The following FGG variants were observed in gnomAD, a reference collection of about 807,000 sequenced individuals.
FGG encodes fibrinogen gamma chain, also known as fibrinogen, gamma polypeptide.
A neutral mutation model predicts 51.7 loss-of-function variants in FGG; 20 were observed. The ratio of observed to expected loss-of-function variants is 0.39; its 90% CI spans 0.27 to 0.56. FGG has a LOEUF of 0.56. Ranked by LOEUF, FGG falls within the 20% of genes least tolerant of loss-of-function variation. The pLI is 0.64. For synonymous variants in FGG, 184 were observed against 184.7 expected, an observed-to-expected ratio of 1.00 and a Z score of 0.03; for missense variants, 460 against 534.2, an observed-to-expected ratio of 0.86 and a Z score of 1.37.
chr4:154,604,518 A>C lies in FGG; in HGVS notation c.*316T>G. On this transcript the variant is annotated 3_prime_UTR_variant, in exon 9 of 9. Coordinates refer to ENST00000336098, the MANE Select transcript of FGG (RefSeq NM_021870.3). ...TATTTTATTAAGTACATACTAAAATATTTGATATAATGAAAATAATTTACG... is the reference window on the plus strand; with the variant it reads ...TATTTTATTAAGTACATACTAAAATCTTTGATATAATGAAAATAATTTACG... 9.1e-7 allele frequency: 1 copy of C among 1,101,884 alleles called. No homozygotes were observed. The highest frequency in any genetic ancestry group is 1.2e-6 in the Non-Finnish European group (1 of 817,498). 68.3% of individuals were successfully genotyped at this position (1,101,884 alleles called of 1,614,324 possible).
Position 154,604,911 on chromosome 4 carries a change from C to A in FGG, c.1285G>T (p.Gly429Trp), listed in dbSNP as rs145938787. Residue 429 changes from glycine (G) to tryptophan (W), a missense_variant, in exon 9 of 9, where the codon GGG becomes TGG. By Grantham distance (184) the Gly-to-Trp change is radical (BLOSUM62 -2). Around this residue, in one of 3 missense-constraint regions of FGG, gnomAD observed 92 missense variants for 93.7 expected, o/e 0.98. Coordinates refer to ENST00000336098, the MANE Select transcript of FGG (RefSeq NM_021870.3). ...TIGEGQQHHLGGAKQVRPEHP... is the reference protein window; with the variant it reads ...TIGEGQQHHLWGAKQVRPEHP... ...TCTGGTCTGACCTGTTTGGCTCCCC[C>A]CAGGTGGTGTTGCTGTCCTTCTCCA... The A allele has an allele frequency of 9.4e-5, 152 of 1,613,934 alleles. No homozygotes were observed. Among genetic ancestry groups the A allele is most frequent in the Non-Finnish European group, 1.3e-4 (148 of 1,179,972 alleles).
chr4:154,611,688 T>C, intron 4 of FGG, 117 bp downstream of exon 4: 1 of 697,692 alleles, frequency 1.4e-6, no homozygotes, highest in Non-Finnish European at 2.4e-6. Flanking sequence ...TCAGGCATAA[T>C]GTCACTGGGA....
rs1352184895 is a variant in FGG at position 154,608,609 on chromosome 4, T to C, written c.708A>G (p.Gln236=). The change falls in exon 7 of 9, where the codon CAA becomes CAG. Residue 236 remains glutamine, a synonymous_variant. Coordinates refer to ENST00000336098, the MANE Select transcript of FGG (RefSeq NM_021870.3). ...ACAGATGTCCAAATCCTTCTTTATA[T>C]TGAATCCAGTTTTTCTTGAAATCTA... is the stretch of plus-strand genomic sequence containing the variant. ...GSVDFKKNWI[Q]YKEGFGHLSP... is the part of the protein sequence containing the mutation. The C allele has an allele frequency of 1.7e-5, 28 of 1,611,468 alleles. No individual in the cohort carries two copies. The East Asian group carries it at 5.4e-4, about 31-fold the overall frequency.
Position 154,604,774 on chromosome 4 carries a change from A to G in FGG, c.*60T>C. On this transcript the variant is annotated 3_prime_UTR_variant, in exon 9 of 9. Coordinates refer to ENST00000336098, the MANE Select transcript of FGG (RefSeq NM_021870.3). ...AATAAATATAGTAAGAGAAAAAAGG[A>G]AGAAACTTTCAGAGAATTTCTGAAA... 2 of 1,609,374 alleles carry G rather than the reference A, an allele frequency of 1.2e-6. No homozygotes were observed. The highest frequency in any genetic ancestry group is 1.7e-6 in the Non-Finnish European group (2 of 1,178,858).
In FGG at chr4:154,604,609, T is replaced by C; in HGVS notation, c.*225A>G. On this transcript the variant is annotated 3_prime_UTR_variant, in exon 9 of 9. Coordinates refer to ENST00000336098, the MANE Select transcript of FGG (RefSeq NM_021870.3). ...AAGTCAATCATTTTATTATTATATA[T>C]TTAGGAACAAAGTTGAAATGTTATC... 1 of 1,262,724 alleles carries C rather than the reference T, an allele frequency of 7.9e-7. No homozygotes were observed. Among genetic ancestry groups the C allele is most frequent in the Non-Finnish European group, 1.0e-6 (1 of 962,620 alleles). 78.2% of individuals were successfully genotyped at this position (1,262,724 alleles called of 1,614,324 possible). A position where few individuals can be genotyped will look rare whatever the true frequency, so the allele number is the denominator to read the frequency against.
rs759056316 is a variant in FGG at position 154,612,438 on chromosome 4, A to G, written c.79-3T>C. ...CAGTTGTCTCTGGTAGCAACATACT[A>G]AAAGAGAAAAAATACAGAAATTTCA... On this transcript the variant is annotated splice_polypyrimidine_tract_variant and splice_region_variant and intron_variant, in intron 1 of 8. Transcript: ENST00000336098. The G allele has an allele frequency of 9.9e-6, 16 of 1,613,842 alleles. No individual in the cohort carries two copies. In the South Asian group the frequency reaches 1.4e-4, roughly 14 times the overall value.
chr4:154,611,735 C>T lies in FGG; in HGVS notation c.401+70G>A, dbSNP rs559257632. On this transcript the variant is annotated intron_variant, in intron 4 of 8. Transcript: ENST00000336098. ...GGGAAAACACATTAAAAATTACTTT[C>T]ACTCAAGTATAGAATATTAAATAAA... 1.5e-4 allele frequency: 148 copies of T among 1,013,724 alleles called. No homozygotes were observed. The African/African-American group carries it at 2.2e-3, about 15-fold the overall frequency. 62.8% of individuals were successfully genotyped at this position (1,013,724 alleles called of 1,614,324 possible).
intron 7 of FGG, among the ~76,000 whole-genome samples, chr4:154,607,430 A>G (rs879933490): frequency 1.3e-5 from 2 of 152,224 alleles, no homozygotes; most frequent in Non-Finnish European, 2.9e-5. Context: ...AGCCACTCAT[A>G]GCACCTGAAG....
At position 154,604,203 on chromosome 4, in the gene FGG, T is replaced by A; in HGVS notation, c.*631A>T. 1.7e-6 allele frequency: 1 copy of A among 583,484 alleles called. No homozygotes were observed. Among genetic ancestry groups the A allele is most frequent in the Non-Finnish European group, 2.9e-6 (1 of 347,136 alleles). The allele number at this position is 583,484 out of a possible 1,614,324, so 36.1% of individuals were successfully genotyped here. A position where few individuals can be genotyped will look rare whatever the true frequency, so the allele number is the denominator to read the frequency against. On this transcript the variant is annotated 3_prime_UTR_variant, in exon 9 of 9. Transcript: ENST00000336098. ...AATTATCATCAGCATAAAACTGTTA[T>A]GGAGTTTTCAACATGGGGTCTTTTG... is the stretch of plus-strand genomic sequence containing the variant.
At chr4:154,606,593 A>G (rs1731100347) in intron 8 of FGG, 112 bp downstream of exon 8, 8 of 1,222,180 alleles carry the variant, frequency 6.5e-6, no homozygotes, top group African/African-American at 1.5e-5. Context: ...AACATGATAA[A>G]ATCCCTACTA....
rs771885312 is a variant in FGG at position 154,609,671 on chromosome 4, C to T, written c.625G>A (p.Glu209Lys). Residue 209 changes from glutamate (E) to lysine (K), a missense_variant, in exon 6 of 9, where the codon GAA (glutamate) becomes AAA (lysine). Physicochemically the swap from Glu to Lys is moderately conservative, Grantham distance 56 (BLOSUM62 1). Coordinates refer to ENST00000336098, the MANE Select transcript of FGG (RefSeq NM_021870.3). ...CATCCATTTCCAGACCCATCGATTT[C>T]ACAGTAGACTAAGAATTGCTGGTTA... The part of the protein sequence containing the change: ...KANQQFLVYC[E>K]IDGSGNGWTV... 1 of 1,613,962 alleles carries T rather than the reference C, an allele frequency of 6.2e-7. No homozygotes were observed. The highest frequency in any genetic ancestry group is 8.5e-7 in the Non-Finnish European group (1 of 1,179,914).
rs1731073236 is a variant in FGG, at chr4:154,605,061, T to C, written c.1135A>G (p.Thr379Ala). The C allele has an allele frequency of 6.2e-7, 1 of 1,613,882 alleles. No homozygotes were observed. Among genetic ancestry groups the C allele is most frequent in the Non-Finnish European group, 8.5e-7 (1 of 1,179,950 alleles). The change falls in exon 9 of 9, where the codon ACT becomes GCT. Residue 379 changes from threonine to alanine, a missense_variant. Physicochemically the swap from Thr to Ala is moderately conservative, Grantham distance 58. Coordinates refer to ENST00000336098, the MANE Select transcript of FGG (RefSeq NM_021870.3). ...HLNGVYYQGG[T>A]YSKASTPNGY... is the part of the protein sequence containing the mutation. ...TTAGGAGTAGATGCTTTTGAGTAAG[T>C]GCCACCTAAAACAAGTCGTAGATGT...
At position 154,604,617 on chromosome 4, in the gene FGG, C is replaced by A; in HGVS notation, c.*217G>T. 1 of 1,279,662 alleles carries A rather than the reference C, an allele frequency of 7.8e-7. No homozygotes were observed. The highest frequency in any genetic ancestry group is 1.0e-6 in the Non-Finnish European group (1 of 979,262). The allele number at this position is 1,279,662 out of a possible 1,614,324, so 79.3% of individuals were successfully genotyped here. A position where few individuals can be genotyped will look rare whatever the true frequency, so the allele number is the denominator to read the frequency against. On this transcript the variant is annotated 3_prime_UTR_variant, in exon 9 of 9. Transcript: ENST00000336098. The stretch of plus-strand genomic sequence containing the variant: ...CATTTTATTATTATATATTTAGGAA[C>A]AAAGTTGAAATGTTATCTCCTCAAA...
intron 7 of FGG, among the ~76,000 whole-genome samples, 167 bp from the exon 8 acceptor site, chr4:154,607,149 T>C (rs1053354895): frequency 6.6e-6 from 1 of 152,218 alleles, no homozygotes; most frequent in Non-Finnish European, 1.5e-5. Flanking sequence ...AATAGATATG[T>C]GAACCAGTCC....
At chr4:154,606,569 T>C in intron 8 of FGG, 136 bp downstream of exon 8, 1 of 1,059,954 alleles carries the variant, frequency 9.4e-7, no homozygotes, top group South Asian at 1.8e-5. Context: ...TCAAAGAACT[T>C]AGTTGAAATA....
rs1731072563 is a variant in FGG at position 154,605,029 on chromosome 4, A to G, written c.1167T>C (p.Tyr389=). Residue 389 remains tyrosine (Y), a synonymous_variant, in exon 9 of 9, where the codon TAT becomes TAC. Transcript: ENST00000336098. The stretch of plus-strand genomic sequence containing the variant: ...AAGTGGCCCAAATAATGCCATTATC[A>G]TAACCATTAGGAGTAGATGCTTTTG... The part of the protein sequence containing the change: ...TYSKASTPNG[Y]DNGIIWATWK... 6.2e-7 allele frequency: 1 copy of G among 1,614,114 alleles called. No homozygotes were observed. Among genetic ancestry groups the G allele is most frequent in the Non-Finnish European group, 8.5e-7 (1 of 1,179,976 alleles).
At chr4:154,609,878 T>C in intron 5 of FGG, 115 bp from the exon 6 acceptor site, 1 of 1,564,000 alleles carries the variant, frequency 6.4e-7, no homozygotes, top group Non-Finnish European at 8.8e-7. Context: ...AATAATTTTC[T>C]TACTTTTCAC....
In FGG at chr4:154,606,757, A is replaced by C; in HGVS notation, c.1077T>G (p.Gly359=). The C allele has an allele frequency of 1.2e-6, 2 of 1,613,982 alleles. No individual in the cohort carries two copies. Among genetic ancestry groups the C allele is most frequent in the Non-Finnish European group, 1.7e-6 (2 of 1,179,892 alleles). The change falls in exon 8 of 9, where the codon GGT becomes GGG. Residue 359 remains glycine (G), a synonymous_variant. Transcript: ENST00000336098. ...EGNCAEQDGS[G]WWMNKCHAGH... is the part of the protein sequence containing the mutation. ...CAGCGTGACACTTGTTCATCCACCA[A>C]CCAGATCCATCCTGTTCAGCACAGT...
Position 154,604,363 on chromosome 4 carries a change from A to G in FGG, c.*471T>C. ...TTTTAAACGTCTCCAGCCTGTGAAT[A>G]TATAACAAAACAAAAACCATATTAA... On this transcript the variant is annotated 3_prime_UTR_variant, in exon 9 of 9. Transcript: ENST00000336098. The G allele has an allele frequency of 4.0e-6, 6 of 1,499,532 alleles. No individual in the cohort carries two copies. The highest frequency in any genetic ancestry group is 5.3e-6 in the Non-Finnish European group (6 of 1,129,054). 92.9% of individuals were successfully genotyped at this position (1,499,532 alleles called of 1,614,324 possible).
Sources: gnomAD v4.1 joint callset for allele counts (sites outside exome capture counted in the v4.1 genomes callset) on GRCh38, gnomAD v4.1.1 for gene constraint, gnomAD v4.1.1 regional missense constraint, MANE v1.5 for transcripts, NCBI Gene and HGNC (gene_info 2026-07-23, HGNC 2026-07-21) for gene names.